The following COL8A1 variants were observed in gnomAD, a reference collection of about 807,000 sequenced individuals.
COL8A1 encodes collagen type VIII alpha 1 chain.
A neutral mutation model predicts 42.7 loss-of-function variants in COL8A1; 21 were observed. The observed-to-expected ratio is 0.49, with a 90% confidence interval of 0.35 to 0.71. COL8A1 has a LOEUF of 0.71. Among genes scored for constraint, COL8A1 ranks in the 30% least tolerant of loss-of-function variants. The pLI, the probability that COL8A1 is intolerant of heterozygous loss-of-function variation, is 0.01. For synonymous variants in COL8A1, 367 were observed against 369.1 expected (o/e 0.99, Z 0.06); for missense variants, 788 against 962.4 (o/e 0.82, Z 2.40).
chr3:99,752,998 G>A (rs1941183801), intron 2 of COL8A1, among the ~76,000 whole-genome samples: 1 of 151,996 alleles, frequency 6.6e-6, no homozygotes, highest in African/African-American at 2.4e-5. Context: ...TAACTTCCCT[G>A]GACCTCAGTT....
At chr3:99,643,852 C>A (rs574541721) in intron 1 of COL8A1, among the ~76,000 whole-genome samples, 2 of 152,234 alleles carry the variant, frequency 1.3e-5, no homozygotes, top group South Asian at 4.1e-4. Flanking sequence ...CCTCTTCCAC[C>A]CAACAGACAA....
At chr3:99,690,645 T>A (rs1471638765) in intron 1 of COL8A1, among the ~76,000 whole-genome samples, 1 of 152,222 alleles carries the variant, frequency 6.6e-6, no homozygotes, top group Non-Finnish European at 1.5e-5. Flanking sequence ...GCATGGTTTG[T>A]ATTGGCTACC....
chr3:99,734,489 G>T (rs1413314208), intron 1 of COL8A1, among the ~76,000 whole-genome samples: 1 of 151,648 alleles, frequency 6.6e-6, no homozygotes, highest in Non-Finnish European at 1.5e-5. Flanking sequence ...TGAGGGCTCT[G>T]TTCTCTTCCA....
intron 1 of COL8A1, among the ~76,000 whole-genome samples, chr3:99,666,597 A>T (rs555898534): frequency 6.6e-6 from 1 of 152,362 alleles, no homozygotes; most frequent in South Asian, 2.1e-4. Context: ...GGGAACAAAA[A>T]TTTAGACTAG....
chr3:99,648,179 G>A (rs770250555), intron 1 of COL8A1, among the ~76,000 whole-genome samples: 2 of 152,160 alleles, frequency 1.3e-5, no homozygotes, highest in Non-Finnish European at 2.9e-5. Context: ...GAAAAACTAA[G>A]CCTCCACTCG....
intron 1 of COL8A1, among the ~76,000 whole-genome samples, chr3:99,703,923 G>GT (rs1422341312): frequency 2.6e-5 from 4 of 151,730 alleles, no homozygotes; most frequent in Admixed American, 6.6e-5. Flanking sequence ...CTCATCTATG[G>GT]TTTTTTTTAA....
intron 1 of COL8A1, among the ~76,000 whole-genome samples, chr3:99,676,636 A>T (rs909389373): frequency 3.3e-5 from 5 of 152,178 alleles, no homozygotes; most frequent in African/African-American, 1.2e-4. Flanking sequence ...GTTAATTATA[A>T]CTTTTGGAAG....
intron 2 of COL8A1, among the ~76,000 whole-genome samples, chr3:99,762,509 G>A (rs1941383754): frequency 6.6e-6 from 1 of 152,178 alleles, no homozygotes; most frequent in African/African-American, 2.4e-5. Context: ...GAAGATGCAG[G>A]GAGACCAGCC....
chr3:99,725,085 T>C (rs146386240), intron 1 of COL8A1, among the ~76,000 whole-genome samples: 25 of 152,206 alleles, frequency 1.6e-4, no homozygotes, highest in African/African-American at 4.8e-4. Flanking sequence ...AAACAACAGC[T>C]GTTACTATTA....
At chr3:99,726,471 C>G (rs1184639093) in intron 1 of COL8A1, among the ~76,000 whole-genome samples, 1 of 151,628 alleles carries the variant, frequency 6.6e-6, no homozygotes, top group South Asian at 2.1e-4. Flanking sequence ...ATGTTTTAGA[C>G]ATGAAGTCCT....
intron 1 of COL8A1, among the ~76,000 whole-genome samples, chr3:99,670,684 G>A (rs13100157): frequency 0.094 from 14,300 of 151,898 alleles, 847 homozygotes; most frequent in Middle Eastern, 0.12. Flanking sequence ...ATTGAAAATA[G>A]TCACCCTGCT....
Position 99,649,385 on chromosome 3 carries a change from GA to G in COL8A1, c.-129+10728del, listed in dbSNP as rs1300104209. On this transcript the variant is annotated intron_variant, in intron 1 of 3. Coordinates refer to ENST00000652472, the MANE Select transcript of COL8A1 (RefSeq NM_020351.4). ...GGGCTTAATAAATGTGAAAAGAAAA[GA>G]AAAAAATAGAGGTAGGGGAATAAAA... Among the ~76,000 whole-genome samples, 5 of 151,698 alleles carry G rather than the reference GA, an allele frequency of 3.3e-5. No individual in the cohort carries two copies. The East Asian group carries it at 9.7e-4, about 29-fold the overall frequency.
rs1273842702 is a variant in COL8A1, at chr3:99,693,280, G to A, written c.-128-51617G>A. 4.6e-5 allele frequency among the ~76,000 whole-genome samples: 7 copies of A among 152,348 alleles called. No individual in the cohort carries two copies. The East Asian group carries it at 1.3e-3, about 29-fold the overall frequency. Reference sequence around the variant, plus strand: ...GGTAAATGACTATGCTATTGCTTATGTATTTACTATACCATATTTTTATCA... The same window carrying A: ...GGTAAATGACTATGCTATTGCTTATATATTTACTATACCATATTTTTATCA... On this transcript the variant is annotated intron_variant, in intron 1 of 3. Transcript: ENST00000652472.
At chr3:99,686,108 A>G (rs918019849) in intron 1 of COL8A1, among the ~76,000 whole-genome samples, 1 of 152,228 alleles carries the variant, frequency 6.6e-6, no homozygotes, top group Non-Finnish European at 1.5e-5. Context: ...CTAATCACAT[A>G]GCCCTAAATA....
chr3:99,786,354 A>G lies in COL8A1; in HGVS notation c.-3-4326A>G, dbSNP rs575801059. Among the ~76,000 whole-genome samples, 18 of 152,262 alleles carry G rather than the reference A, an allele frequency of 1.2e-4. No individual in the cohort carries two copies. The East Asian group carries it at 3.5e-3, about 29-fold the overall frequency. On this transcript the variant is annotated intron_variant, in intron 2 of 3. Transcript: ENST00000652472. ...GGGAGATAATTAGATCATGAGTGCA[A>G]AGTCCTCATGAACAGAATTAGTGCT... is the stretch of plus-strand genomic sequence containing the variant.
chr3:99,758,023 A>C (rs1941293605), intron 2 of COL8A1, among the ~76,000 whole-genome samples: 1 of 152,190 alleles, frequency 6.6e-6, no homozygotes, highest in African/African-American at 2.4e-5. Flanking sequence ...GGTTTTTGCC[A>C]CTACTTTCAA....
rs187608028 is a variant in COL8A1, at chr3:99,670,265, A to G, written c.-129+31601A>G. On this transcript the variant is annotated intron_variant, in intron 1 of 3. Transcript: ENST00000652472. The stretch of plus-strand genomic sequence containing the variant: ...AAAAATGAATTTAGTAGTAACAGCC[A>G]TATCTCTTTTTTCATCTCAAGTATG... Among the ~76,000 whole-genome samples the G allele has an allele frequency of 2.0e-3, 312 of 152,216 alleles. 4 individuals are homozygous for G. The highest frequency in any genetic ancestry group is 7.2e-3 in the African/African-American group (301 of 41,566).
intron 1 of COL8A1, among the ~76,000 whole-genome samples, chr3:99,704,734 G>A (rs1484529209): frequency 6.6e-6 from 1 of 152,084 alleles, no homozygotes; most frequent in African/African-American, 2.4e-5. Context: ...CACTTCCAAA[G>A]TACCAATCTG....
intron 2 of COL8A1, among the ~76,000 whole-genome samples, chr3:99,769,691 C>T (rs1411444707): frequency 1.6e-4 from 25 of 152,124 alleles, no homozygotes; most frequent in East Asian, 5.8e-4. Context: ...GAGGCCAAGG[C>T]GGGTGGATCA....
Sources: allele counts gnomAD v4.1 joint callset (sites outside exome capture counted in the v4.1 genomes callset), GRCh38; gene constraint gnomAD v4.1.1; transcripts MANE v1.5; gene names NCBI Gene and HGNC (gene_info 2026-07-23, HGNC 2026-07-21).